The following EVC2 variants were observed in gnomAD, a reference collection of about 807,000 sequenced individuals.
EVC2 encodes the protein EvC ciliary complex subunit 2.
A neutral mutation model predicts 149.3 loss-of-function variants in EVC2; 148 were observed. The observed-to-expected ratio is 0.99, with a 90% CI of 0.87 to 1.14. The LOEUF (loss-of-function observed/expected upper bound fraction) is 1.14, where lower values mean the gene tolerates loss of function less well. EVC2 is among the 50% of genes most tolerant of loss of function. The pLI, the probability that EVC2 is intolerant of heterozygous loss-of-function variation, is 0.00. For synonymous variants in EVC2, 776 were observed against 649.9 expected (o/e 1.19, Z -2.95); for missense variants, 1,854 against 1,627.3 (o/e 1.14, Z -2.40).
At chr4:5,659,887 T>A (rs1333581392) in intron 9 of EVC2, among the ~76,000 whole-genome samples, 4 of 152,240 alleles carry the variant, frequency 2.6e-5, no homozygotes, top group African/African-American at 9.6e-5. Flanking sequence ...TACTTGCAAA[T>A]TAAATATCCG....
rs575308555 is a variant in EVC2, at chr4:5,679,159, T to C, written c.870+2101A>G. Among the ~76,000 whole-genome samples, 1 of 151,952 alleles carries C rather than the reference T, an allele frequency of 6.6e-6. No individual in the cohort carries two copies. Among genetic ancestry groups the C allele is most frequent in the Admixed American group, 6.6e-5 (1 of 15,258 alleles). On this transcript the variant is annotated intron_variant, in intron 7 of 21. Coordinates refer to ENST00000344408, the MANE Select transcript of EVC2 (RefSeq NM_147127.5). The surrounding 1 kb of genome is among the most constrained non-coding windows in gnomAD (Gnocchi z 5.1). ...TCTGGGCCAGTCAGTGAGTGAGTGG[T>C]GAGTGAATGTGAAGGCGTAGGGTAT...
chr4:5,632,304 A>T (rs1203014050), intron 10 of EVC2, among the ~76,000 whole-genome samples: 3 of 152,234 alleles, frequency 2.0e-5, no homozygotes, highest in Non-Finnish European at 2.9e-5. Flanking sequence ...GCACACACAC[A>T]AGGCACAAGT....
chr4:5,546,184 T>C (rs544810318), intron 21 of EVC2, among the ~76,000 whole-genome samples: 53 of 152,288 alleles, frequency 3.5e-4, no homozygotes, highest in African/African-American at 1.3e-3. Flanking sequence ...GAACTAGACA[T>C]ACCATTTGAC....
intron 16 of EVC2, among the ~76,000 whole-genome samples, chr4:5,593,942 C>G (rs1000675974): frequency 2.0e-5 from 3 of 152,230 alleles, no homozygotes; most frequent in African/African-American, 7.2e-5. Context: ...TTGGAGGGTC[C>G]TACACCCATG....
intron 14 of EVC2, among the ~76,000 whole-genome samples, chr4:5,621,799 C>A (rs1242539958): frequency 6.6e-6 from 1 of 152,122 alleles, no homozygotes; most frequent in East Asian, 1.9e-4. Context: ...TGCCTAAGCC[C>A]AGGAGTTCGA....
rs909376316 is a variant in EVC2 at position 5,670,582 on chromosome 4, A to G, written c.871-4933T>C. 6.6e-6 allele frequency among the ~76,000 whole-genome samples: 1 copy of G among 151,866 alleles called. No homozygotes were observed. The highest frequency in any genetic ancestry group is 1.5e-5 in the Non-Finnish European group (1 of 67,974). On this transcript the variant is annotated intron_variant, in intron 7 of 21. Transcript: ENST00000344408. The surrounding 1 kb of genome is among the most constrained non-coding windows in gnomAD (Gnocchi z 5.2). ...CACATTGGCCATCACCACCATCACT[A>G]TCAACATCATCAATATCACCATCAC...
At chr4:5,591,733 T>A (rs1165399005) in intron 16 of EVC2, among the ~76,000 whole-genome samples, 1 of 152,208 alleles carries the variant, frequency 6.6e-6, no homozygotes, top group African/African-American at 2.4e-5. Context: ...TGAGAATGTG[T>A]CTCTAGAGAG....
intron 5 of EVC2, among the ~76,000 whole-genome samples, chr4:5,688,275 GAT>G (rs920231403): frequency 4.6e-5 from 7 of 152,126 alleles, no homozygotes; most frequent in African/African-American, 1.4e-4. Context: ...ACTGATGAGC[GAT>G]GTGTGCCGTG....
chr4:5,706,359 T>TACAC (rs1722156009), intron 1 of EVC2, among the ~76,000 whole-genome samples: 3 of 140,256 alleles, frequency 2.1e-5, no homozygotes, highest in Admixed American at 7.0e-5. Context: ...GATAGACACA[T>TACAC]AGATAGATAC....
chr4:5,685,326 T>A, intron 6 of EVC2, 44 bp downstream of exon 6: 4 of 1,580,736 alleles, frequency 2.5e-6, no homozygotes, highest in Non-Finnish European at 3.5e-6. Flanking sequence ...AAACAACCTC[T>A]CTTGGCAGTG....
intron 16 of EVC2, among the ~76,000 whole-genome samples, chr4:5,593,404 T>G (rs1044703950): frequency 3.9e-5 from 6 of 152,310 alleles, no homozygotes; most frequent in Admixed American, 1.3e-4. Context: ...AGTTTCTTTG[T>G]CTTATGCTCC....
chr4:5,578,430 T>G (rs1392555949), intron 17 of EVC2, among the ~76,000 whole-genome samples: 1 of 152,102 alleles, frequency 6.6e-6, no homozygotes, highest in African/African-American at 2.4e-5. Flanking sequence ...AGATAGGAAT[T>G]TTTCATCATC....
At chr4:5,707,685 G>T (rs1486327435) in intron 1 of EVC2, among the ~76,000 whole-genome samples, 3 of 152,102 alleles carry the variant, frequency 2.0e-5, no homozygotes, top group Non-Finnish European at 4.4e-5. Context: ...GGAGGAAAAG[G>T]CACTAGGACT....
chr4:5,706,658 A>G (rs1722220289), intron 1 of EVC2, among the ~76,000 whole-genome samples: 1 of 152,000 alleles, frequency 6.6e-6, no homozygotes, highest in Non-Finnish European at 1.5e-5. Context: ...AGGCCCCACA[A>G]GAGGGAGTGG....
intron 20 of EVC2, among the ~76,000 whole-genome samples, 153 bp downstream of exon 20, chr4:5,568,291 A>G (rs1400047432): frequency 1.3e-5 from 2 of 152,022 alleles, no homozygotes; most frequent in Admixed American, 1.3e-4. Context: ...CTCTGGGTGA[A>G]CTTATTTTCT....
intron 6 of EVC2, among the ~76,000 whole-genome samples, chr4:5,683,485 T>C (rs1720484995): frequency 6.6e-6 from 1 of 152,208 alleles, no homozygotes; most frequent in Non-Finnish European, 1.5e-5. Context: ...TTCAACACAA[T>C]GTTACTGAGC....
chr4:5,706,347 TAGATAG>T (rs1722146094), intron 1 of EVC2, among the ~76,000 whole-genome samples: 4 of 137,192 alleles, frequency 2.9e-5, no homozygotes, highest in African/African-American at 8.4e-5. Context: ...GATACATAGA[TAGATAG>T]ACACATAGAT....
intron 1 of EVC2, among the ~76,000 whole-genome samples, chr4:5,707,845 C>T (rs553318090): frequency 2.1e-4 from 32 of 152,170 alleles, no homozygotes; most frequent in South Asian, 1.5e-3. Flanking sequence ...AAGAGTCCAG[C>T]CAAGAGCCCC....
At chr4:5,656,483 T>C (rs941066390) in intron 9 of EVC2, among the ~76,000 whole-genome samples, 2 of 152,098 alleles carry the variant, frequency 1.3e-5, no homozygotes, top group Admixed American at 1.3e-4. Context: ...CAGATATAAT[T>C]AAGTGAAGGA....
Sources: allele counts gnomAD v4.1 joint callset (sites outside exome capture counted in the v4.1 genomes callset), GRCh38; gene constraint gnomAD v4.1.1; non-coding constraint Gnocchi (gnomAD v3.1); transcripts MANE v1.5; gene names NCBI Gene and HGNC (gene_info 2026-07-23, HGNC 2026-07-21).